Variants in SLC10A6 observed in about 807,000 individuals in gnomAD.
The protein encoded by SLC10A6 is solute carrier family 10 member 6.
In SLC10A6, 27 loss-of-function variants were observed where a neutral mutation model predicts 30.0. The ratio of observed to expected loss-of-function variants is 0.90; its 90% CI spans 0.66 to 1.24. The LOEUF is 1.24. SLC10A6 is among the 50% of genes most tolerant of loss of function. The pLI is 0.00. For synonymous variants in SLC10A6, 166 were observed against 173.8 expected, an observed-to-expected ratio of 0.95 and a Z score of 0.36; for missense variants, 439 against 457.0, an observed-to-expected ratio of 0.96 and a Z score of 0.36.
intron 1 of SLC10A6, among the ~76,000 whole-genome samples, chr4:86,839,010 A>T (rs778566961): frequency 6.6e-6 from 1 of 151,914 alleles, no homozygotes; most frequent in South Asian, 2.1e-4. Flanking sequence ...TCCTTTCAGA[A>T]ATCCAAACTT....
intron 1 of SLC10A6, among the ~76,000 whole-genome samples, chr4:86,844,630 G>A (rs1395967624): frequency 6.6e-6 from 1 of 152,188 alleles, no homozygotes; most frequent in Non-Finnish European, 1.5e-5. Context: ...ATGTAATCAG[G>A]TCTAGGCTAG....
chr4:86,849,126 CCTT>C lies in SLC10A6; in HGVS notation c.-14_-12del. The C allele has an allele frequency of 6.3e-7, 1 of 1,599,640 alleles. No individual in the cohort carries two copies. Among genetic ancestry groups the C allele is most frequent in the Non-Finnish European group, 8.5e-7 (1 of 1,172,276 alleles). On this transcript the variant is annotated 5_prime_UTR_variant, in exon 1 of 6. The change abolishes the stop of an existing upstream ORF in the 5' untranslated region. Coordinates refer to ENST00000273905, the MANE Select transcript of SLC10A6 (RefSeq NM_197965.3). ...ACAATTGGCTCTCATCTCCTCATCT[CCTT>C]AAGGCAGCATTACAAATGAACATCG...
intron 1 of SLC10A6, among the ~76,000 whole-genome samples, chr4:86,843,664 T>C (rs746453922): frequency 6.6e-6 from 1 of 152,126 alleles, no homozygotes; most frequent in Non-Finnish European, 1.5e-5. Flanking sequence ...ACATATATAT[T>C]ATGATATATC....
chr4:86,826,258 A>G (rs188359487), intron 4 of SLC10A6, among the ~76,000 whole-genome samples: 1 of 152,268 alleles, frequency 6.6e-6, no homozygotes, highest in East Asian at 1.9e-4. Context: ...GACATATGAA[A>G]CAATATAAAC....
At chr4:86,829,773 T>A (rs1490608991) in intron 3 of SLC10A6, among the ~76,000 whole-genome samples, 1 of 152,068 alleles carries the variant, frequency 6.6e-6, no homozygotes, top group African/African-American at 2.4e-5. Context: ...GTCTAGAATA[T>A]TTATGCATAT....
At position 86,823,673 on chromosome 4, in the gene SLC10A6, G is replaced by C; in HGVS notation, c.*15C>G. On this transcript the variant is annotated 3_prime_UTR_variant, in exon 6 of 6. Transcript: ENST00000273905. ...ACTGAAAAAGAAGGGGGCCAGTCCA[G>C]CCAGCTAGTCCCTGCTATTCACATG... is the stretch of plus-strand genomic sequence containing the variant. 1.3e-6 allele frequency: 2 copies of C among 1,566,784 alleles called. No homozygotes were observed. The highest frequency in any genetic ancestry group is 1.7e-6 in the Non-Finnish European group (2 of 1,157,158).
At chr4:86,844,709 T>A (rs1304685525) in intron 1 of SLC10A6, among the ~76,000 whole-genome samples, 1 of 152,214 alleles carries the variant, frequency 6.6e-6, no homozygotes, top group East Asian at 1.9e-4. Context: ...CCTGCATTAG[T>A]CCATTTTCAC....
Position 86,837,323 on chromosome 4 carries a change from A to AAGGGAGGGAGGGAGGG in SLC10A6, c.378-3900_378-3899insCCCTCCCTCCCTCCCT, listed in dbSNP as rs1270903104. On this transcript the variant is annotated intron_variant, in intron 1 of 5. Coordinates refer to ENST00000273905, the MANE Select transcript of SLC10A6 (RefSeq NM_197965.3). ...GAAGGAAGGAAGGAAGGAAGGAAGG[A>AAGGGAGGGAGGGAGGG]AGGAAGGAAGGAAGGAAGGAAGGCA... Among the ~76,000 whole-genome samples, 421 of 141,586 alleles carry AAGGGAGGGAGGGAGGG rather than the reference A, an allele frequency of 3.0e-3. 22 individuals carry two copies. Among genetic ancestry groups the AAGGGAGGGAGGGAGGG allele is most frequent in the Middle Eastern group, 0.011 (3 of 282 alleles). 92.9% of individuals were successfully genotyped at this position (141,586 alleles called of 152,430 possible). A position where few individuals can be genotyped will look rare whatever the true frequency, so the allele number is the denominator to read the frequency against.
chr4:86,825,703 T>C lies in SLC10A6; in HGVS notation c.762-126A>G, dbSNP rs890166914. The C allele has an allele frequency of 4.3e-5, 45 of 1,043,230 alleles. No homozygotes were observed. In the African/African-American group the frequency reaches 6.3e-4, roughly 15 times the overall value. The allele number at this position is 1,043,230 out of a possible 1,614,324, so 64.6% of individuals were successfully genotyped here. A position where few individuals can be genotyped will look rare whatever the true frequency, so the allele number is the denominator to read the frequency against. On this transcript the variant is annotated intron_variant, in intron 4 of 5. Transcript: ENST00000273905. ...CCACTGAAAATGTGTACTCATTCCA[T>C]AGTTATTTGCTGAGTGCCTATTCTG...
At chr4:86,844,908 T>C (rs2149414096) in intron 1 of SLC10A6, among the ~76,000 whole-genome samples, 1 of 152,168 alleles carries the variant, frequency 6.6e-6, no homozygotes, top group South Asian at 2.1e-4. Flanking sequence ...TTCCAAACAC[T>C]TATAAAACCA....
At chr4:86,847,651 T>C (rs1049332774) in intron 1 of SLC10A6, among the ~76,000 whole-genome samples, 2 of 152,188 alleles carry the variant, frequency 1.3e-5, no homozygotes, top group Non-Finnish European at 2.9e-5. Context: ...TTAAAATTTA[T>C]AGGTGAAATA....
chr4:86,848,611 T>G, intron 1 of SLC10A6, 128 bp downstream of exon 1: 82 of 1,224,436 alleles, frequency 6.7e-5, no homozygotes, highest in Middle Eastern at 2.4e-4. Context: ...CAAGTCTCTG[T>G]GATATTTGTA....
chr4:86,844,675 G>C (rs552678600), intron 1 of SLC10A6, among the ~76,000 whole-genome samples: 10 of 152,318 alleles, frequency 6.6e-5, no homozygotes, highest in African/African-American at 2.4e-4. Flanking sequence ...TAGTAAGAGA[G>C]CCCAGTTGTC....
intron 1 of SLC10A6, among the ~76,000 whole-genome samples, chr4:86,839,916 AT>A (rs1056512639): frequency 8.7e-4 from 107 of 122,952 alleles, no homozygotes; most frequent in South Asian, 2.3e-3. Context: ...TTTTTTTTTT[AT>A]TTTTTTTTTT....
chr4:86,845,020 G>A (rs947725146), intron 1 of SLC10A6, among the ~76,000 whole-genome samples: 5 of 151,952 alleles, frequency 3.3e-5, no homozygotes, highest in East Asian at 1.9e-4. Flanking sequence ...CTAGACACAC[G>A]GGAATTACAA....
chr4:86,842,729 AAAGAAAAGAC>A (rs1746311728), intron 1 of SLC10A6, among the ~76,000 whole-genome samples: 2 of 150,914 alleles, frequency 1.3e-5, no homozygotes, highest in African/African-American at 4.9e-5. Flanking sequence ...AAAGAAAAGA[AAAGAAAAGAC>A]AAGACAGTGG....
chr4:86,834,139 GC>G (rs1746137576), intron 1 of SLC10A6, among the ~76,000 whole-genome samples: 1 of 152,158 alleles, frequency 6.6e-6, no homozygotes, highest in Non-Finnish European at 1.5e-5. Flanking sequence ...TCATGAACAG[GC>G]TGGTGCCATT....
intron 1 of SLC10A6, among the ~76,000 whole-genome samples, chr4:86,838,310 A>T (rs1361036914): frequency 6.6e-6 from 1 of 152,154 alleles, no homozygotes; most frequent in Non-Finnish European, 1.5e-5. Flanking sequence ...ACAAGTACTT[A>T]TGTACCTGTC....
Position 86,848,923 on chromosome 4 carries a change from G to T in SLC10A6, c.193C>A (p.Pro65Thr). 1 of 1,614,172 alleles carries T rather than the reference G, an allele frequency of 6.2e-7. No individual in the cohort carries two copies. Among genetic ancestry groups the T allele is most frequent in the Non-Finnish European group, 8.5e-7 (1 of 1,180,020 alleles). Reference protein sequence around the residue: ...IRKLWSHIRRPWGIAVGLLCQ... With the variant: ...IRKLWSHIRRTWGIAVGLLCQ... ...AGCAGTCCCACAGCAATGCCCCAGG[G>T]TCTCCTGATGTGCGACCACAGCTTC... The change falls in exon 1 of 6, where the codon CCC becomes ACC. Residue 65 changes from proline to threonine, a missense_variant. Coordinates refer to ENST00000273905, the MANE Select transcript of SLC10A6 (RefSeq NM_197965.3).
Sources: allele counts gnomAD v4.1 joint callset (sites outside exome capture counted in the v4.1 genomes callset), GRCh38; gene constraint gnomAD v4.1.1; transcripts MANE v1.5; gene names NCBI Gene and HGNC (gene_info 2026-07-23, HGNC 2026-07-21).